Variants in USH2A observed in about 807,000 individuals in gnomAD.
USH2A encodes the protein usherin.
In USH2A, 443 loss-of-function variants were observed where a neutral mutation model predicts 538.9. The ratio of observed to expected loss-of-function variants is 0.82; its 90% confidence interval spans 0.76 to 0.89. The LOEUF (loss-of-function observed/expected upper bound fraction) is 0.89, where lower values mean the gene tolerates loss of function less well. USH2A is among the 40% of genes least tolerant of loss of function. The pLI is 0.00. For synonymous variants in USH2A, 2,413 were observed against 2,273.5 expected, an observed-to-expected ratio of 1.06 and a Z score of -1.75; for missense variants, 6,633 against 6,324.8, an observed-to-expected ratio of 1.05 and a Z score of -1.65.
At chr1:216,038,687 T>C (rs917018313) in intron 32 of USH2A, among the ~76,000 whole-genome samples, 3 of 152,016 alleles carry the variant, frequency 2.0e-5, no homozygotes, top group African/African-American at 7.2e-5. Context: ...TAAATATCCA[T>C]CAAGCTGTAC....
At chr1:215,974,458 C>T (rs759559091) in intron 35 of USH2A, among the ~76,000 whole-genome samples, 1 of 152,112 alleles carries the variant, frequency 6.6e-6, no homozygotes, top group Non-Finnish European at 1.5e-5. Flanking sequence ...AGATAGTGAG[C>T]ATAGTACCCA....
intron 34 of USH2A, among the ~76,000 whole-genome samples, chr1:215,996,725 A>C (rs752138840): frequency 2.6e-5 from 4 of 151,944 alleles, no homozygotes; most frequent in Non-Finnish European, 5.9e-5. Flanking sequence ...TCATTCAGGA[A>C]TTGTTTGCTC....
intron 48 of USH2A, among the ~76,000 whole-genome samples, chr1:215,814,165 T>TAAA: frequency 6.8e-6 from 1 of 146,010 alleles, no homozygotes; most frequent in African/African-American, 2.4e-5. Flanking sequence ...TGTATTTAAT[T>TAAA]ATATAAAATT....
intron 13 of USH2A, among the ~76,000 whole-genome samples, chr1:216,235,800 T>A (rs1344759374): frequency 1.3e-5 from 2 of 152,188 alleles, no homozygotes; most frequent in Non-Finnish European, 1.5e-5. Context: ...ATGCTGGGGC[T>A]AAGCACTAAT....
chr1:215,648,017 C>T (rs570652152), intron 66 of USH2A, among the ~76,000 whole-genome samples: 13 of 152,312 alleles, frequency 8.5e-5, no homozygotes, highest in African/African-American at 3.1e-4. Flanking sequence ...AGACATTTCC[C>T]TCTTTTAAGA....
At chr1:216,398,679 G>T (rs1245282404) in intron 3 of USH2A, among the ~76,000 whole-genome samples, 3 of 152,070 alleles carry the variant, frequency 2.0e-5, no homozygotes, top group African/African-American at 7.2e-5. Flanking sequence ...AGTAGTTTTT[G>T]ATTCCCTTTC....
At chr1:215,992,933 T>G (rs1668035570) in intron 35 of USH2A, 87 bp downstream of exon 35, 1 of 1,576,738 alleles carries the variant, frequency 6.3e-7, no homozygotes, top group Non-Finnish European at 8.7e-7. Flanking sequence ...CATTAAAAAT[T>G]AAGCACCACA....
chr1:215,682,262 T>TA (rs1658259529), intron 61 of USH2A, among the ~76,000 whole-genome samples: 1 of 152,170 alleles, frequency 6.6e-6, no homozygotes, highest in South Asian at 2.1e-4. Flanking sequence ...AGATTATATA[T>TA]AAAAAAGGTG....
At chr1:216,276,897 G>A (rs2036680602) in intron 11 of USH2A, among the ~76,000 whole-genome samples, 2 of 152,094 alleles carry the variant, frequency 1.3e-5, no homozygotes, top group Admixed American at 1.3e-4. Flanking sequence ...AATTATGGGA[G>A]CTATTAGATG....
intron 3 of USH2A, among the ~76,000 whole-genome samples, chr1:216,407,857 C>T (rs2039421309): frequency 6.6e-6 from 1 of 151,758 alleles, no homozygotes; most frequent in African/African-American, 2.4e-5. Context: ...AAAAGCACTA[C>T]CATCAAATCC....
chr1:216,272,620 T>C (rs1300820718), intron 11 of USH2A, among the ~76,000 whole-genome samples: 1 of 152,142 alleles, frequency 6.6e-6, no homozygotes, highest in Non-Finnish European at 1.5e-5. Flanking sequence ...CATTTTGCTA[T>C]TCATCCCTGC....
At chr1:216,025,841 T>C (rs1196310376) in intron 32 of USH2A, among the ~76,000 whole-genome samples, 1 of 152,090 alleles carries the variant, frequency 6.6e-6, no homozygotes, top group Non-Finnish European at 1.5e-5. Context: ...CTGCATCCTC[T>C]TGATTTTTGC....
chr1:215,867,865 A>G (rs1276951719), intron 43 of USH2A, among the ~76,000 whole-genome samples: 1 of 152,210 alleles, frequency 6.6e-6, no homozygotes, highest in Non-Finnish European at 1.5e-5. Context: ...CAAGTCATTT[A>G]TTAAATTGAC....
At chr1:215,895,162 A>G (rs1361958404) in intron 40 of USH2A, among the ~76,000 whole-genome samples, 1 of 152,198 alleles carries the variant, frequency 6.6e-6, no homozygotes, top group Non-Finnish European at 1.5e-5. Context: ...CCTGGTACAC[A>G]GTAGGTACAC....
chr1:216,252,953 G>A (rs1488005809), intron 11 of USH2A, among the ~76,000 whole-genome samples: 2 of 152,118 alleles, frequency 1.3e-5, no homozygotes, highest in Non-Finnish European at 2.9e-5. Flanking sequence ...GTCTTTGCTG[G>A]TACTTTACAG....
chr1:216,393,547 A>T (rs941091189), intron 3 of USH2A, among the ~76,000 whole-genome samples: 3 of 151,844 alleles, frequency 2.0e-5, no homozygotes, highest in African/African-American at 7.3e-5. Context: ...AACTCTTATG[A>T]CTCTTGATTT....
At chr1:216,158,594 C>A (rs1286201550) in intron 21 of USH2A, among the ~76,000 whole-genome samples, 2 of 152,130 alleles carry the variant, frequency 1.3e-5, no homozygotes. Context: ...CTTATCTGTT[C>A]TTTTGCCTAT....
intron 40 of USH2A, among the ~76,000 whole-genome samples, chr1:215,898,076 C>T (rs1364823047): frequency 6.6e-6 from 1 of 152,178 alleles, no homozygotes; most frequent in Non-Finnish European, 1.5e-5. Context: ...GCACTGCTAA[C>T]GTAACCTGCA....
chr1:216,216,777 C>T (rs560095514), intron 15 of USH2A, among the ~76,000 whole-genome samples: 2 of 152,006 alleles, frequency 1.3e-5, no homozygotes, highest in East Asian at 3.9e-4. Flanking sequence ...TAATCTTAGG[C>T]TTTAAGGAAT....
Sources: gnomAD v4.1 joint callset for allele counts (sites outside exome capture counted in the v4.1 genomes callset) on GRCh38, gnomAD v4.1.1 for gene constraint, MANE v1.5 for transcripts, NCBI Gene and HGNC (gene_info 2026-07-23, HGNC 2026-07-21) for gene names.